The following KARS1 variants were observed in gnomAD, a reference collection of about 807,000 sequenced individuals.
KARS1 encodes lysine--tRNA ligase.
Under a neutral mutation model 63.9 loss-of-function variants are expected in KARS1, and 50 were observed. The ratio of observed to expected loss-of-function variants is 0.78; its 90% CI spans 0.62 to 0.99. The LOEUF (loss-of-function observed/expected upper bound fraction) is 0.99, where lower values mean the gene tolerates loss of function less well. Ranked by LOEUF, KARS1 falls within the 50% of genes least tolerant of loss-of-function variation. KARS1 has a pLI of 0.00. For missense variants in KARS1, 816 were observed against 754.5 expected (o/e 1.08, Z -0.95); for synonymous variants, 320 against 264.6 (o/e 1.21, Z -2.03).
At chr16:75,637,552 G>T (rs1050450564) in intron 3 of KARS1, among the ~76,000 whole-genome samples, 3 of 152,038 alleles carry the variant, frequency 2.0e-5, no homozygotes, top group Non-Finnish European at 4.4e-5. Context: ...GAGGCAGGCA[G>T]ATCACGTAAG....
Position 75,647,619 on chromosome 16 carries a change from G to C in KARS1, c.21C>G (p.Ala7=). The change falls in exon 1 of 14, where the codon GCC becomes GCG. Residue 7 remains alanine, a synonymous_variant. Transcript: ENST00000302445. MAAVQA[A]EVKVDGSEPK... ...GCTCGCTGCCATCCACTTTCACCTC[G>C]GCCGCCTGCACGGCCGCCATCTTCC... 6.2e-7 allele frequency: 1 copy of C among 1,613,496 alleles called. No individual in the cohort carries two copies. Among genetic ancestry groups the C allele is most frequent in the Non-Finnish European group, 8.5e-7 (1 of 1,179,838 alleles).
At chr16:75,638,793 A>C (rs555401642) in intron 3 of KARS1, among the ~76,000 whole-genome samples, 6 of 152,386 alleles carry the variant, frequency 3.9e-5, no homozygotes. Flanking sequence ...ATTATCGAAA[A>C]GAATCAAGAT....
chr16:75,640,402 A>G, intron 2 of KARS1, 53 bp from the exon 3 acceptor site: 14 of 1,576,176 alleles, frequency 8.9e-6, no homozygotes, highest in Non-Finnish European at 1.2e-5. Context: ...TGGTCAGACC[A>G]GTGGGGCCCA....
chr16:75,632,683 C>T (rs1396357894), intron 7 of KARS1, among the ~76,000 whole-genome samples: 1 of 152,172 alleles, frequency 6.6e-6, no homozygotes, highest in Non-Finnish European at 1.5e-5. Flanking sequence ...GAGAACAGCC[C>T]ATTCTAATAT....
chr16:75,636,369 C>T, intron 4 of KARS1, 85 bp downstream of exon 4: 1 of 957,116 alleles, frequency 1.0e-6, no homozygotes, highest in South Asian at 1.3e-5. Flanking sequence ...ACTCTAACTT[C>T]AAATACCAGT....
chr16:75,634,645 G>C (rs764753141), intron 6 of KARS1, among the ~76,000 whole-genome samples: 1 of 152,042 alleles, frequency 6.6e-6, no homozygotes, highest in Non-Finnish European at 1.5e-5. Flanking sequence ...GCGCGATCTC[G>C]GCTCATGGCA....
chr16:75,631,129 C>T, intron 10 of KARS1, 39 bp downstream of exon 10: 1 of 1,528,394 alleles, frequency 6.5e-7, no homozygotes, highest in Non-Finnish European at 9.1e-7. Flanking sequence ...CCATTCAGCA[C>T]CAGATGAGGA....
chr16:75,634,490 A>G (rs1332374079), intron 6 of KARS1, among the ~76,000 whole-genome samples, 198 bp from the exon 7 acceptor site: 1 of 152,236 alleles, frequency 6.6e-6, no homozygotes, highest in African/African-American at 2.4e-5. Context: ...TTAATACCTA[A>G]TATCATTAAT....
At chr16:75,647,251 G>A (rs1206723173) in intron 1 of KARS1, among the ~76,000 whole-genome samples, 1 of 152,230 alleles carries the variant, frequency 6.6e-6, no homozygotes, top group Non-Finnish European at 1.5e-5. Flanking sequence ...GCATTTCTCA[G>A]AAAGGAGGAT....
rs752180992 is a variant in KARS1 at position 75,644,380 on chromosome 16, T to A, written c.63-2657A>T. ...CTGTGACCCCACTCTGCCCAGGAGG[T>A]TTTGCGCAGGGACCCCCTAACAAGC... On this transcript the variant is annotated intron_variant, in intron 1 of 13. Coordinates refer to ENST00000302445, the MANE Select transcript of KARS1 (RefSeq NM_005548.3). 1.7e-5 allele frequency: 27 copies of A among 1,612,096 alleles called. No homozygotes were observed. In the East Asian group the frequency reaches 5.8e-4, roughly 35 times the overall value.
At chr16:75,633,810 CA>C (rs1334062870) in intron 7 of KARS1, among the ~76,000 whole-genome samples, 2 of 152,244 alleles carry the variant, frequency 1.3e-5, no homozygotes, top group Non-Finnish European at 2.9e-5. Context: ...AGGCCCGCGC[CA>C]GGCCTGAAGA....
intron 3 of KARS1, among the ~76,000 whole-genome samples, chr16:75,639,338 G>T (rs1221796431): frequency 1.3e-5 from 2 of 151,858 alleles, no homozygotes; most frequent in Admixed American, 1.3e-4. Flanking sequence ...TTGGGAAGCC[G>T]AGGCAGGTGG....
At chr16:75,632,253 G>C (rs1474829863) in intron 7 of KARS1, among the ~76,000 whole-genome samples, 2 of 152,208 alleles carry the variant, frequency 1.3e-5, no homozygotes, top group Admixed American at 1.3e-4. Context: ...CCGTAACTTG[G>C]TTTTCACAGG....
intron 7 of KARS1, 69 bp from the exon 8 acceptor site, chr16:75,631,924 G>A (rs2082119738): frequency 6.3e-7 from 1 of 1,584,758 alleles, no homozygotes; most frequent in African/African-American, 1.3e-5. Context: ...TTTTGCTCTT[G>A]TTGCCTAGGC....
At chr16:75,632,529 T>G (rs2082124900) in intron 7 of KARS1, among the ~76,000 whole-genome samples, 2 of 152,308 alleles carry the variant, frequency 1.3e-5, no homozygotes, top group African/African-American at 2.4e-5. Context: ...ATGTGGGTAT[T>G]GCATAGAATT....
chr16:75,640,108 GA>G, intron 3 of KARS1, 75 bp downstream of exon 3: 7 of 1,282,800 alleles, frequency 5.5e-6, no homozygotes, highest in Non-Finnish European at 8.0e-6. Flanking sequence ...GACCAACCCA[GA>G]CCTTCCCTTG....
intron 3 of KARS1, among the ~76,000 whole-genome samples, chr16:75,637,227 C>T (rs2082171874): frequency 6.6e-6 from 1 of 151,928 alleles, no homozygotes. Flanking sequence ...CAACAAAATG[C>T]TGTGGGAAGA....
intron 13 of KARS1, 106 bp downstream of exon 13, chr16:75,628,463 C>T (rs2082075322): frequency 1.5e-6 from 2 of 1,320,720 alleles, no homozygotes; most frequent in Non-Finnish European, 1.1e-6. Flanking sequence ...CTCCTCTTCC[C>T]AGCCCAAAGC....
At chr16:75,632,921 C>G (rs2082127726) in intron 7 of KARS1, among the ~76,000 whole-genome samples, 1 of 152,210 alleles carries the variant, frequency 6.6e-6, no homozygotes, top group Non-Finnish European at 1.5e-5. Context: ...TACCGTACAG[C>G]ATTAGGTCAT....
Sources: gnomAD v4.1 joint callset for allele counts (sites outside exome capture counted in the v4.1 genomes callset) on GRCh38, gnomAD v4.1.1 for gene constraint, MANE v1.5 for transcripts, NCBI Gene and HGNC (gene_info 2026-07-23, HGNC 2026-07-21) for gene names.